EXOC4: variants seen among roughly 807,000 people sequenced by gnomAD.
The protein encoded by EXOC4 is SEC8-like 1.
EXOC4 carries 71 observed loss-of-function variants against 107.2 expected under a neutral mutation model. The ratio of observed to expected loss-of-function variants is 0.66; its 90% confidence interval spans 0.55 to 0.81. The LOEUF (loss-of-function observed/expected upper bound fraction) is 0.81. EXOC4 is among the 30% of genes least tolerant of loss of function. EXOC4 has a pLI of 0.00. For missense variants in EXOC4, 1,108 were observed against 1,189.6 expected, an observed-to-expected ratio of 0.93 and a Z score of 1.01; for synonymous variants, 456 against 441.2, an observed-to-expected ratio of 1.03 and a Z score of -0.42.
chr7:134,028,876 G>A (rs1464616300), intron 17 of EXOC4, among the ~76,000 whole-genome samples: 1 of 152,226 alleles, frequency 6.6e-6, no homozygotes, highest in Non-Finnish European at 1.5e-5. Flanking sequence ...TCGCTGAGAG[G>A]AATGTGGTCT....
chr7:133,358,565 C>T (rs1473013757), intron 6 of EXOC4, among the ~76,000 whole-genome samples: 2 of 152,122 alleles, frequency 1.3e-5, no homozygotes, highest in Non-Finnish European at 1.5e-5. Flanking sequence ...CCTGGATTTT[C>T]GTGAAGACCT....
At chr7:133,658,696 G>A (rs1370040479) in intron 10 of EXOC4, among the ~76,000 whole-genome samples, 2 of 152,188 alleles carry the variant, frequency 1.3e-5, no homozygotes, top group African/African-American at 4.8e-5. Context: ...GATGTGTGGG[G>A]TGGATGTGTG....
intron 5 of EXOC4, among the ~76,000 whole-genome samples, chr7:133,348,203 A>T (rs1795829248): frequency 6.6e-6 from 1 of 152,262 alleles, no homozygotes; most frequent in South Asian, 2.1e-4. Flanking sequence ...ATCCTTTTAA[A>T]TTGCCTTTTA....
At chr7:133,797,935 C>G (rs1796851252) in intron 10 of EXOC4, among the ~76,000 whole-genome samples, 1 of 152,044 alleles carries the variant, frequency 6.6e-6, no homozygotes, top group African/African-American at 2.4e-5. Flanking sequence ...CTTGTGGTAT[C>G]AGATTATAAG....
At chr7:133,517,763 T>A (rs1221213071) in intron 9 of EXOC4, among the ~76,000 whole-genome samples, 1 of 152,240 alleles carries the variant, frequency 6.6e-6, no homozygotes, top group East Asian at 1.9e-4. Flanking sequence ...AAGGTGAGAT[T>A]TGGATGGTGA....
intron 9 of EXOC4, among the ~76,000 whole-genome samples, chr7:133,559,047 A>G (rs1377798203): frequency 1.3e-5 from 2 of 152,178 alleles, no homozygotes; most frequent in Non-Finnish European, 2.9e-5. Flanking sequence ...AAATACTCCA[A>G]ACTTTGAACT....
intron 11 of EXOC4, among the ~76,000 whole-genome samples, chr7:133,889,326 G>A (rs531611795): frequency 2.6e-5 from 4 of 151,460 alleles, no homozygotes; most frequent in African/African-American, 4.8e-5. Context: ...GAAGACCAGC[G>A]CTGTGTAAGA....
intron 11 of EXOC4, among the ~76,000 whole-genome samples, chr7:133,863,887 T>A (rs1280086053): frequency 2.0e-5 from 3 of 152,164 alleles, no homozygotes; most frequent in Non-Finnish European, 2.9e-5. Context: ...CAAACAGATT[T>A]CACAAAAGGC....
intron 10 of EXOC4, among the ~76,000 whole-genome samples, chr7:133,674,917 T>C (rs1794023044): frequency 6.6e-6 from 1 of 152,166 alleles, no homozygotes; most frequent in South Asian, 2.1e-4. Flanking sequence ...AAGACAGAAT[T>C]ACAGTGCTTA....
intron 4 of EXOC4, among the ~76,000 whole-genome samples, chr7:133,309,172 G>A (rs1275430634): frequency 6.6e-6 from 1 of 152,084 alleles, no homozygotes; most frequent in South Asian, 2.1e-4. Flanking sequence ...GCCCTGGGTG[G>A]GGTGCCTCTT....
At chr7:133,602,305 A>G (rs1248201712) in intron 9 of EXOC4, among the ~76,000 whole-genome samples, 1 of 152,224 alleles carries the variant, frequency 6.6e-6, no homozygotes, top group Non-Finnish European at 1.5e-5. Flanking sequence ...TAAGCAGTGT[A>G]GTAGGGTCAT....
chr7:133,496,807 C>T (rs992968864), intron 9 of EXOC4, among the ~76,000 whole-genome samples: 1 of 152,124 alleles, frequency 6.6e-6, no homozygotes, highest in African/African-American at 2.4e-5. Flanking sequence ...ATGATTCTGA[C>T]AGACTGTCAC....
the EXOC4 span, among the ~76,000 whole-genome samples, chr7:134,077,644 G>T: frequency 6.6e-6 from 1 of 152,208 alleles, no homozygotes. Flanking sequence ...TTCACAAAAG[G>T]GGGTGGGCTA....
At chr7:133,284,189 C>G (rs6467485) in intron 2 of EXOC4, among the ~76,000 whole-genome samples, 46,738 of 152,016 alleles carry the variant, frequency 0.31, 8,196 homozygotes, top group African/African-American at 0.49. Flanking sequence ...TTGCACATAT[C>G]CTAGTGTGAA....
At chr7:133,526,063 G>A (rs1236054348) in intron 9 of EXOC4, among the ~76,000 whole-genome samples, 1 of 152,128 alleles carries the variant, frequency 6.6e-6, no homozygotes, top group Non-Finnish European at 1.5e-5. Flanking sequence ...TAGTGACAAG[G>A]CCTATAGTGC....
rs796707378 is a variant in EXOC4 at position 133,676,957 on chromosome 7, ATG to A, written c.1514+46836_1514+46837del. Among the ~76,000 whole-genome samples the A allele has an allele frequency of 2.2e-3, 293 of 135,192 alleles. 1 individual carries two copies. Among genetic ancestry groups the A allele is most frequent in the African/African-American group, 4.8e-3 (172 of 35,976 alleles). 88.7% of individuals were successfully genotyped at this position (135,192 alleles called of 152,430 possible). A position where few individuals can be genotyped will look rare whatever the true frequency, so the allele number is the denominator to read the frequency against. ...TGTGTGTGTGTGTGTGTGTGTGTGT[ATG>A]TGTGTGTGTGTGTGTGTGTTGAGAA... On this transcript the variant is annotated intron_variant, in intron 10 of 17. Transcript: ENST00000253861.
At chr7:133,874,209 T>C (rs1174887458) in intron 11 of EXOC4, among the ~76,000 whole-genome samples, 1 of 152,196 alleles carries the variant, frequency 6.6e-6, no homozygotes, top group African/African-American at 2.4e-5. Flanking sequence ...TCAAAGTCAA[T>C]GTTAAAATTA....
At chr7:133,547,341 T>C (rs1323652748) in intron 9 of EXOC4, among the ~76,000 whole-genome samples, 2 of 152,172 alleles carry the variant, frequency 1.3e-5, no homozygotes, top group African/African-American at 4.8e-5. Flanking sequence ...CTTCAGCAAA[T>C]TGTCATCTTT....
At chr7:134,046,893 A>G (rs1343527442) in intron 17 of EXOC4, among the ~76,000 whole-genome samples, 2 of 152,180 alleles carry the variant, frequency 1.3e-5, no homozygotes, top group Non-Finnish European at 2.9e-5. Flanking sequence ...CGTCAGGGAC[A>G]ACTGGGGGCA....
Sources: allele counts gnomAD v4.1 joint callset (sites outside exome capture counted in the v4.1 genomes callset), GRCh38; gene constraint gnomAD v4.1.1; transcripts MANE v1.5; gene names NCBI Gene and HGNC (gene_info 2026-07-23, HGNC 2026-07-21).